The following LHFPL3 variants were observed in gnomAD, a reference collection of about 807,000 sequenced individuals.
LHFPL3 encodes the protein LHFPL tetraspan subfamily member 3 protein.
A neutral mutation model predicts 19.3 loss-of-function variants in LHFPL3; 5 were observed. The ratio of observed to expected loss-of-function variants is 0.26; its 90% CI spans 0.14 to 0.54. The LOEUF (loss-of-function observed/expected upper bound fraction) is 0.54. Ranked by LOEUF, LHFPL3 falls within the 20% of genes least tolerant of loss-of-function variation. The pLI is 0.94. For missense variants in LHFPL3, 249 were observed against 307.4 expected, an observed-to-expected ratio of 0.81 and a Z score of 1.42; for synonymous variants, 133 against 126.2, an observed-to-expected ratio of 1.05 and a Z score of -0.36.
At chr7:104,584,470 T>A (rs1790525235) in intron 1 of LHFPL3, among the ~76,000 whole-genome samples, 2 of 151,348 alleles carry the variant, frequency 1.3e-5, no homozygotes, top group Non-Finnish European at 1.5e-5. Flanking sequence ...ATAATAAAAT[T>A]TTTTAAAAAA....
At chr7:104,333,197 A>G (rs1012201577) in intron 1 of LHFPL3, among the ~76,000 whole-genome samples, 7 of 152,254 alleles carry the variant, frequency 4.6e-5, no homozygotes, top group Non-Finnish European at 7.3e-5. Flanking sequence ...TCTAGTGACT[A>G]TAAGCCATAC....
At chr7:104,784,027 A>T (rs138194835) in intron 2 of LHFPL3, among the ~76,000 whole-genome samples, 19 of 152,216 alleles carry the variant, frequency 1.2e-4, no homozygotes, top group African/African-American at 4.6e-4. Flanking sequence ...GAGAGGCTCA[A>T]TGTAGTGCCA....
chr7:104,876,824 C>T (rs1395207424), intron 2 of LHFPL3, among the ~76,000 whole-genome samples: 1 of 152,212 alleles, frequency 6.6e-6, no homozygotes, highest in African/African-American at 2.4e-5. Context: ...GACACATGCA[C>T]ATGTATGTTT....
At chr7:104,842,293 G>C (rs1413688389) in intron 2 of LHFPL3, among the ~76,000 whole-genome samples, 1 of 142,442 alleles carries the variant, frequency 7.0e-6, no homozygotes, top group Non-Finnish European at 1.5e-5. Context: ...CTTTTGCGGG[G>C]GTGGGGGGGT....
At chr7:104,360,367 T>C (rs1234873624) in intron 1 of LHFPL3, among the ~76,000 whole-genome samples, 6 of 152,204 alleles carry the variant, frequency 3.9e-5, no homozygotes, top group Non-Finnish European at 8.8e-5. Context: ...TGTCATACTT[T>C]ATCGTACCTG....
intron 1 of LHFPL3, among the ~76,000 whole-genome samples, chr7:104,445,404 C>T (rs1792312495): frequency 6.6e-6 from 1 of 152,106 alleles, no homozygotes; most frequent in Admixed American, 6.5e-5. Context: ...TCTTTGGTTT[C>T]CTCATTGTTA....
At chr7:104,726,886 T>C (rs1562974337) in intron 1 of LHFPL3, among the ~76,000 whole-genome samples, 1 of 152,324 alleles carries the variant, frequency 6.6e-6, no homozygotes, top group Admixed American at 6.5e-5. Context: ...TTTCTGGTTC[T>C]AGATCCTTGA....
At chr7:104,752,897 C>T (rs543003182) in intron 2 of LHFPL3, 1 of 340,626 alleles carries the variant, frequency 2.9e-6, no homozygotes, top group South Asian at 1.5e-4. Flanking sequence ...CAGCTCACAG[C>T]CTCTCTACCA....
chr7:104,835,636 A>G (rs1791076953), intron 2 of LHFPL3, among the ~76,000 whole-genome samples: 1 of 151,824 alleles, frequency 6.6e-6, no homozygotes, highest in Admixed American at 6.6e-5. Context: ...ATGAATACAA[A>G]TATATATAAA....
intron 1 of LHFPL3, among the ~76,000 whole-genome samples, chr7:104,522,529 A>C (rs981827687): frequency 2.0e-5 from 3 of 152,098 alleles, no homozygotes; most frequent in Non-Finnish European, 4.4e-5. Flanking sequence ...TAAAACTTAA[A>C]GTATAATAAT....
chr7:104,561,314 T>A (rs939684010), intron 1 of LHFPL3, among the ~76,000 whole-genome samples: 4 of 149,560 alleles, frequency 2.7e-5, no homozygotes, highest in African/African-American at 7.7e-5. Context: ...TGTGTGGGAG[T>A]CTAAGTCTCT....
intron 1 of LHFPL3, among the ~76,000 whole-genome samples, chr7:104,544,450 G>T (rs1048298665): frequency 3.3e-5 from 5 of 152,112 alleles, no homozygotes; most frequent in African/African-American, 1.2e-4. Flanking sequence ...AACATTATGG[G>T]GTTAGATGCA....
chr7:104,339,185 T>C (rs1443711242), intron 1 of LHFPL3, among the ~76,000 whole-genome samples: 1 of 152,034 alleles, frequency 6.6e-6, no homozygotes, highest in African/African-American at 2.4e-5. Flanking sequence ...GAGGTGGACG[T>C]TGCAGTGAGC....
chr7:104,669,436 A>C, intron 1 of LHFPL3: 1 of 1,613,334 alleles, frequency 6.2e-7, no homozygotes, highest in Non-Finnish European at 8.5e-7. Context: ...AGATGGCAAA[A>C]AGGATCAAGA....
intron 2 of LHFPL3, among the ~76,000 whole-genome samples, chr7:104,771,407 A>G (rs1398470445): frequency 1.3e-5 from 2 of 152,126 alleles, no homozygotes; most frequent in African/African-American, 4.8e-5. Context: ...TGATTTGTTC[A>G]TGTCAGAAGC....
intron 1 of LHFPL3, among the ~76,000 whole-genome samples, chr7:104,556,547 G>A (rs568070432): frequency 2.2e-4 from 33 of 152,274 alleles, no homozygotes; most frequent in South Asian, 4.1e-4. Flanking sequence ...TACAGCAGAG[G>A]CACCCTGGGC....
chr7:104,427,558 G>A (rs181247912), intron 1 of LHFPL3, among the ~76,000 whole-genome samples: 1 of 152,298 alleles, frequency 6.6e-6, no homozygotes, highest in Non-Finnish European at 1.5e-5. Flanking sequence ...GAGTGGCTAT[G>A]TGAATTTAAA....
chr7:104,391,834 ATTTG>A (rs1044965476), intron 1 of LHFPL3, among the ~76,000 whole-genome samples: 7 of 152,198 alleles, frequency 4.6e-5, no homozygotes, highest in African/African-American at 1.7e-4. Flanking sequence ...ATGTTCTTCC[ATTTG>A]TTTGTATCCT....
At chr7:104,602,596 T>C (rs1208793077) in intron 1 of LHFPL3, among the ~76,000 whole-genome samples, 1 of 152,200 alleles carries the variant, frequency 6.6e-6, no homozygotes, top group Non-Finnish European at 1.5e-5. Context: ...TTCCCATAAT[T>C]AAACCTCAAG....
Sources: allele counts gnomAD v4.1 joint callset (sites outside exome capture counted in the v4.1 genomes callset), GRCh38; gene constraint gnomAD v4.1.1; transcripts MANE v1.5; gene names NCBI Gene and HGNC (gene_info 2026-07-23, HGNC 2026-07-21).